Variants in NFIB observed in about 807,000 individuals in gnomAD.
The protein encoded by NFIB is nuclear factor 1 B-type.
Under a neutral mutation model 61.5 loss-of-function variants are expected in NFIB, and 11 were observed. The observed-to-expected ratio is 0.18, with a 90% CI of 0.11 to 0.30. The LOEUF is 0.30. NFIB is among the 10% of genes least tolerant of loss of function. NFIB has a pLI of 1.00. For synonymous variants in NFIB, 260 were observed against 216.5 expected (o/e 1.20, Z -1.76); for missense variants, 471 against 608.9 (o/e 0.77, Z 2.38).
At chr9:14,269,557 A>G (rs1061820) in intron 2 of NFIB, among the ~76,000 whole-genome samples, 79,209 of 152,022 alleles carry the variant, frequency 0.52, 21,064 homozygotes, top group Middle Eastern at 0.64. Context: ...ATTGAGACAT[A>G]TGTGTTCTTA....
At chr9:14,140,336 A>G (rs1251522853) in intron 6 of NFIB, among the ~76,000 whole-genome samples, 8 of 152,120 alleles carry the variant, frequency 5.3e-5, no homozygotes, top group African/African-American at 1.9e-4. Flanking sequence ...AAATCTTGAG[A>G]TTATATCATT....
chr9:14,519,856 C>A, the NFIB span, among the ~76,000 whole-genome samples: 2 of 152,188 alleles, frequency 1.3e-5, no homozygotes, highest in Non-Finnish European at 2.9e-5. Flanking sequence ...CCCAGATAGT[C>A]TAGCCTTAGA....
intron 2 of NFIB, among the ~76,000 whole-genome samples, chr9:14,267,519 C>T (rs1043455291): frequency 5.3e-5 from 8 of 152,184 alleles, no homozygotes; most frequent in Admixed American, 2.6e-4. Flanking sequence ...TTTCCTATTT[C>T]ATTTCCTCAG....
At chr9:14,413,930 A>G in the NFIB span, among the ~76,000 whole-genome samples, 2 of 152,222 alleles carry the variant, frequency 1.3e-5, no homozygotes, top group African/African-American at 2.4e-5. Flanking sequence ...TAACTTGTCC[A>G]AAATGAGTGT....
intron 1 of NFIB, among the ~76,000 whole-genome samples, chr9:14,396,653 T>C (rs2061690372): frequency 6.6e-6 from 1 of 152,206 alleles, no homozygotes; most frequent in African/African-American, 2.4e-5. Flanking sequence ...GCACCCAGGA[T>C]ACTATATATT....
At chr9:14,413,057 G>A in the NFIB span, among the ~76,000 whole-genome samples, 1 of 152,060 alleles carries the variant, frequency 6.6e-6, no homozygotes, top group African/African-American at 2.4e-5. Context: ...ATATGCGGGA[G>A]GCTTTCAAAG....
At chr9:14,249,689 G>A (rs755737940) in intron 2 of NFIB, among the ~76,000 whole-genome samples, 8 of 151,920 alleles carry the variant, frequency 5.3e-5, no homozygotes, top group Non-Finnish European at 1.0e-4. Flanking sequence ...AGGGAGGGAG[G>A]GGAGAAGAAG....
At chr9:14,265,666 C>A (rs2057137416) in intron 2 of NFIB, among the ~76,000 whole-genome samples, 1 of 152,170 alleles carries the variant, frequency 6.6e-6, no homozygotes, top group Non-Finnish European at 1.5e-5. Context: ...ACCACCATAT[C>A]CCTCTCTCTG....
At chr9:14,394,042 A>G (rs1050643554) in intron 1 of NFIB, among the ~76,000 whole-genome samples, 3 of 152,204 alleles carry the variant, frequency 2.0e-5, no homozygotes, top group Non-Finnish European at 4.4e-5. Context: ...CCATCTGTTT[A>G]TGTATTAACT....
intron 6 of NFIB, among the ~76,000 whole-genome samples, chr9:14,131,891 C>G (rs560943358): frequency 6.6e-6 from 1 of 152,226 alleles, no homozygotes; most frequent in East Asian, 1.9e-4. Flanking sequence ...CAAGCTCAAA[C>G]AGCACCTTAA....
At chr9:14,388,317 G>A (rs2133022646) in intron 1 of NFIB, among the ~76,000 whole-genome samples, 1 of 151,686 alleles carries the variant, frequency 6.6e-6, no homozygotes, top group Non-Finnish European at 1.5e-5. Flanking sequence ...TGAGGCTGCA[G>A]TCAGCTGTGA....
intron 2 of NFIB, among the ~76,000 whole-genome samples, chr9:14,256,688 T>C (rs2056246667): frequency 6.6e-6 from 1 of 152,174 alleles, no homozygotes. Context: ...AGTTACTTAA[T>C]CACTGTGAGC....
the NFIB span, among the ~76,000 whole-genome samples, chr9:14,450,294 G>C: frequency 6.6e-6 from 1 of 151,980 alleles, no homozygotes; most frequent in South Asian, 2.1e-4. Context: ...GTATAACTGG[G>C]AAAAGAAAAC....
At chr9:14,409,520 G>A in the NFIB span, among the ~76,000 whole-genome samples, 4 of 152,160 alleles carry the variant, frequency 2.6e-5, no homozygotes, top group Non-Finnish European at 4.4e-5. Flanking sequence ...AGCAACAGAC[G>A]GCTCTTTCTT....
the NFIB span, among the ~76,000 whole-genome samples, chr9:14,436,057 A>G: frequency 1.3e-5 from 2 of 152,340 alleles, no homozygotes; most frequent in African/African-American, 2.4e-5. Flanking sequence ...CATTTATTGC[A>G]TGGCCCTGCT....
At chr9:14,431,885 C>T in the NFIB span, among the ~76,000 whole-genome samples, 1 of 152,154 alleles carries the variant, frequency 6.6e-6, no homozygotes, top group African/African-American at 2.4e-5. Context: ...TTCCCCTCCC[C>T]CACTGCTTTT....
chr9:14,114,879 T>C lies in NFIB; in HGVS notation c.1384+1329A>G, dbSNP rs913992434. On this transcript the variant is annotated intron_variant, in intron 9 of 10. Coordinates refer to ENST00000380953, the MANE Select transcript of NFIB (RefSeq NM_001190737.2). ...CTTTTATTTAAATTGCTGACATTGT[T>C]TGCTCAAAGATGTGAAGACATCCAC... is the stretch of plus-strand genomic sequence containing the variant. Among the ~76,000 whole-genome samples the C allele has an allele frequency of 5.9e-5, 9 of 152,242 alleles. No individual in the cohort carries two copies. In the East Asian group the frequency reaches 1.5e-3, roughly 26 times the overall value.
intron 1 of NFIB, chr9:14,357,166 C>T (rs1431370990): frequency 6.6e-6 from 1 of 152,182 alleles, no homozygotes; most frequent in Non-Finnish European, 1.5e-5. Flanking sequence ...GCAGGACACA[C>T]CAAAGAACTC....
chr9:14,106,304 T>C (rs1175591936), intron 10 of NFIB, among the ~76,000 whole-genome samples: 1 of 152,150 alleles, frequency 6.6e-6, no homozygotes, highest in African/African-American at 2.4e-5. Context: ...ATATAAATCA[T>C]TTTAATCCTT....
Sources: allele counts gnomAD v4.1 joint callset (sites outside exome capture counted in the v4.1 genomes callset), GRCh38; gene constraint gnomAD v4.1.1; transcripts MANE v1.5; gene names NCBI Gene and HGNC (gene_info 2026-07-23, HGNC 2026-07-21).